Variants in SCAI observed in about 807,000 individuals in gnomAD.
SCAI encodes the protein protein SCAI.
Under a neutral mutation model 92.2 loss-of-function variants are expected in SCAI, and 24 were observed. The observed-to-expected ratio is 0.26, with a 90% confidence interval of 0.19 to 0.37. SCAI has a LOEUF of 0.37. Ranked by LOEUF, SCAI falls within the 10% of genes least tolerant of loss-of-function variation. SCAI has a pLI of 1.00. For synonymous variants in SCAI, 261 were observed against 258.6 expected (o/e 1.01, Z -0.09); for missense variants, 450 against 736.2 (o/e 0.61, Z 4.50).
chr9:125,117,049 A>T (rs1415196587), intron 2 of SCAI, among the ~76,000 whole-genome samples: 2 of 152,220 alleles, frequency 1.3e-5, no homozygotes, highest in African/African-American at 4.8e-5. Context: ...ATGCTGACTG[A>T]ATTAAATAAT....
intron 2 of SCAI, among the ~76,000 whole-genome samples, chr9:125,122,772 G>T (rs1835181914): frequency 6.6e-6 from 1 of 152,020 alleles, no homozygotes; most frequent in Non-Finnish European, 1.5e-5. Context: ...TGGGCGTAGT[G>T]GTATGTGACA....
chr9:125,096,214 T>C (rs1024680305), intron 2 of SCAI, among the ~76,000 whole-genome samples: 1 of 152,182 alleles, frequency 6.6e-6, no homozygotes, highest in Non-Finnish European at 1.5e-5. Context: ...ATGTCTTACA[T>C]GGATGGCAGC....
chr9:125,006,997 T>C (rs1832524326), intron 9 of SCAI, among the ~76,000 whole-genome samples: 1 of 152,016 alleles, frequency 6.6e-6, no homozygotes. Context: ...GGCGTGCCTG[T>C]AGTCCTGGCT....
At chr9:125,108,634 G>A (rs1401045683) in intron 2 of SCAI, among the ~76,000 whole-genome samples, 7 of 138,700 alleles carry the variant, frequency 5.0e-5, no homozygotes, top group African/African-American at 1.9e-4. Flanking sequence ...CCCTCCGCCC[G>A]GCAGCCGCCC....
At chr9:125,125,528 C>CA (rs113419361) in intron 2 of SCAI, among the ~76,000 whole-genome samples, 4,964 of 138,608 alleles carry the variant, frequency 0.036, 232 homozygotes, top group African/African-American at 0.12. Context: ...ACTCCATCTC[C>CA]AAAAAAAAAA....
intron 2 of SCAI, among the ~76,000 whole-genome samples, chr9:125,117,875 T>A (rs1480126258): frequency 6.6e-6 from 1 of 152,178 alleles, no homozygotes; most frequent in African/African-American, 2.4e-5. Flanking sequence ...AAAACTGTTT[T>A]GTCTTGACTG....
chr9:125,047,602 C>A (rs986193454), intron 3 of SCAI, among the ~76,000 whole-genome samples: 1 of 152,164 alleles, frequency 6.6e-6, no homozygotes, highest in Non-Finnish European at 1.5e-5. Context: ...GTGAAGAAGA[C>A]AACCCCAAAA....
intron 3 of SCAI, among the ~76,000 whole-genome samples, chr9:125,032,440 C>T (rs1373359372): frequency 6.6e-6 from 1 of 151,456 alleles, no homozygotes; most frequent in Non-Finnish European, 1.5e-5. Flanking sequence ...GATCCACTCG[C>T]CTCGGCCTCC....
At chr9:125,088,410 T>G (rs1272430567) in intron 2 of SCAI, among the ~76,000 whole-genome samples, 1 of 152,196 alleles carries the variant, frequency 6.6e-6, no homozygotes, top group Non-Finnish European at 1.5e-5. Context: ...TTTGGTTGTT[T>G]AGAAGTGTGT....
chr9:125,090,662 C>A (rs1834412196), intron 2 of SCAI, among the ~76,000 whole-genome samples: 1 of 152,160 alleles, frequency 6.6e-6, no homozygotes, highest in Non-Finnish European at 1.5e-5. Context: ...TCTACTCTTA[C>A]ACTCCTATAC....
At chr9:124,969,642 GT>G (rs1224077542) in intron 17 of SCAI, among the ~76,000 whole-genome samples, 1 of 152,214 alleles carries the variant, frequency 6.6e-6, no homozygotes, top group Non-Finnish European at 1.5e-5. Flanking sequence ...TGCAACAAGT[GT>G]TGGAAAGGAA....
intron 17 of SCAI, among the ~76,000 whole-genome samples, chr9:124,961,154 G>C (rs1206702950): frequency 6.6e-6 from 1 of 150,444 alleles, no homozygotes; most frequent in Non-Finnish European, 1.5e-5. Context: ...AAAATTAGTA[G>C]TTGGGCAGTG....
intron 2 of SCAI, among the ~76,000 whole-genome samples, chr9:125,120,926 C>T (rs1175222773): frequency 6.6e-6 from 1 of 151,322 alleles, no homozygotes; most frequent in African/African-American, 2.4e-5. Flanking sequence ...TTAGGGACTT[C>T]CCAGAAAAAA....
rs1831148936 is a variant in SCAI at position 124,946,669 on chromosome 9, T to C, written c.*6138A>G. The C allele has an allele frequency of 6.6e-6, 1 of 152,218 alleles. No homozygotes were observed. The highest frequency in any genetic ancestry group is 2.1e-4 in the South Asian group (1 of 4,830). 9.4% of individuals were successfully genotyped at this position (152,218 alleles called of 1,614,324 possible). A position where few individuals can be genotyped will look rare whatever the true frequency, so the allele number is the denominator to read the frequency against. ...ACAAATTGGCATTGCACGTATTTAC[T>C]ATCCTCTTATCCTCCCCAACCCTAT... On this transcript the variant is annotated 3_prime_UTR_variant, in exon 18 of 18. Transcript: ENST00000336505. This position sits in a 1 kb window ranked among gnomAD's most constrained non-coding sequence, Gnocchi z 4.0.
At chr9:125,116,164 G>A (rs759685602) in intron 2 of SCAI, among the ~76,000 whole-genome samples, 3 of 152,030 alleles carry the variant, frequency 2.0e-5, no homozygotes, top group Non-Finnish European at 4.4e-5. Context: ...CAGCTTGGGT[G>A]ACAGAGAGAG....
In SCAI at chr9:124,971,710, G is replaced by A. The variant is rs940376510; in HGVS notation, c.1534C>T (p.Arg512Cys). The change falls in exon 16 of 18, where the codon CGT becomes TGT. Residue 512 changes from arginine to cysteine, a missense_variant. Physicochemically the swap from Arg to Cys is radical, Grantham distance 180. Transcript: ENST00000336505. ...KCQEYLRKIN[R>C]DIAQLLTHSR... is the part of the protein sequence containing the mutation. ...TGAGTCAGTAGCTGGGCAATATCACGGTTGATTTTTCGAAGATATTCTTGA... is the reference window on the plus strand; with the variant it reads ...TGAGTCAGTAGCTGGGCAATATCACAGTTGATTTTTCGAAGATATTCTTGA... 13 of 1,610,678 alleles carry A rather than the reference G, an allele frequency of 8.1e-6. No individual in the cohort carries two copies. The highest frequency in any genetic ancestry group is 4.4e-5 in the South Asian group (4 of 90,270).
chr9:125,047,763 TACTC>T (rs906355688), intron 3 of SCAI, among the ~76,000 whole-genome samples: 8 of 152,218 alleles, frequency 5.3e-5, no homozygotes, highest in African/African-American at 1.9e-4. Context: ...AAGTATAAAA[TACTC>T]ACTGTGTTTC....
intron 2 of SCAI, among the ~76,000 whole-genome samples, chr9:125,060,230 G>A (rs1833745679): frequency 6.9e-6 from 1 of 145,202 alleles, no homozygotes. Flanking sequence ...AGGTATAAGT[G>A]TAAAATATGC....
chr9:124,956,677 G>C (rs1831319728), intron 17 of SCAI, among the ~76,000 whole-genome samples: 1 of 152,124 alleles, frequency 6.6e-6, no homozygotes, highest in Non-Finnish European at 1.5e-5. Flanking sequence ...ATCTGAGAAA[G>C]GGTATCTATG....
Sources: gnomAD v4.1 joint callset for allele counts (sites outside exome capture counted in the v4.1 genomes callset) on GRCh38, gnomAD v4.1.1 for gene constraint, Gnocchi (gnomAD v3.1) non-coding constraint, MANE v1.5 for transcripts, NCBI Gene and HGNC (gene_info 2026-07-23, HGNC 2026-07-21) for gene names.